Variants in FAM91A1 observed in about 807,000 individuals in gnomAD.
FAM91A1 encodes the protein family with sequence similarity 91 member A1.
A neutral mutation model predicts 113.5 loss-of-function variants in FAM91A1; 41 were observed. The observed-to-expected ratio is 0.36, with a 90% CI of 0.28 to 0.47. The LOEUF (loss-of-function observed/expected upper bound fraction) is 0.47. Ranked by LOEUF, FAM91A1 falls within the 20% of genes least tolerant of loss-of-function variation. The pLI is 1.00. For missense variants in FAM91A1, 696 were observed against 1,001.2 expected (o/e 0.70, Z 4.11); for synonymous variants, 307 against 347.9 (o/e 0.88, Z 1.31).
chr8:123,775,220 G>A lies in FAM91A1; in HGVS notation c.231G>A (p.Leu77=). 4 of 1,613,974 alleles carry A rather than the reference G, an allele frequency of 2.5e-6. No individual in the cohort carries two copies. Among genetic ancestry groups the A allele is most frequent in the Non-Finnish European group, 3.4e-6 (4 of 1,179,922 alleles). Reference sequence around the variant, plus strand: ...AGTACAGCCGAGATCATCTCATGCTGTACCCTTACCATCTATCGGATATTA... The same window carrying A: ...AGTACAGCCGAGATCATCTCATGCTATACCCTTACCATCTATCGGATATTA... ...LLKYSRDHLM[L]YPYHLSDIMV... Residue 77 remains leucine, a synonymous_variant, in exon 3 of 24, where the codon CTG becomes CTA. Coordinates refer to ENST00000334705, the MANE Select transcript of FAM91A1 (RefSeq NM_144963.4).
At chr8:123,800,172 C>T (rs906252811) in intron 18 of FAM91A1, among the ~76,000 whole-genome samples, 2 of 151,748 alleles carry the variant, frequency 1.3e-5, no homozygotes, top group Non-Finnish European at 2.9e-5. Context: ...AGTAGTTTCC[C>T]CATCTGTGGG....
Position 123,775,435 on chromosome 8 carries a change from TTG to T in FAM91A1, c.309+138_309+139del, listed in dbSNP as rs1208421368. On this transcript the variant is annotated intron_variant, in intron 3 of 23. Transcript: ENST00000334705. ...AGAACTTATAGTGTAAAAAGGACTA[TTG>T]GTGGCTTGTTAACTGTTTGAGCCAC... The T allele has an allele frequency of 6.6e-6, 7 of 1,058,480 alleles. No individual in the cohort carries two copies. In the African/African-American group the frequency reaches 1.1e-4, roughly 17 times the overall value. The allele number at this position is 1,058,480 out of a possible 1,614,324, so 65.6% of individuals were successfully genotyped here. A position where few individuals can be genotyped will look rare whatever the true frequency, so the allele number is the denominator to read the frequency against.
At chr8:123,801,090 TA>T in intron 18 of FAM91A1, among the ~76,000 whole-genome samples, 1 of 152,340 alleles carries the variant, frequency 6.6e-6, no homozygotes, top group South Asian at 2.1e-4. Context: ...TTTAAGCATT[TA>T]AGGAACTGCC....
Position 123,798,246 on chromosome 8 carries a change from C to T in FAM91A1, c.1560+8C>T, listed in dbSNP as rs771883336. On this transcript the variant is annotated splice_region_variant and intron_variant, in intron 16 of 23. Coordinates refer to ENST00000334705, the MANE Select transcript of FAM91A1 (RefSeq NM_144963.4). ...AGCAGCTGCACCCCTCAGGTAAAGA[C>T]CTACTTGGAAGATCCACTTGGTAGT... 1.9e-5 allele frequency: 30 copies of T among 1,613,016 alleles called. No individual in the cohort carries two copies. The East Asian group carries it at 6.7e-4, about 36-fold the overall frequency.
intron 15 of FAM91A1, among the ~76,000 whole-genome samples, chr8:123,794,460 A>G (rs1328205184): frequency 6.6e-6 from 1 of 152,244 alleles, no homozygotes; most frequent in Admixed American, 6.5e-5. Context: ...ATGTAAATAA[A>G]TGGAAAGATA....
At chr8:123,794,177 T>C (rs772136127) in intron 15 of FAM91A1, among the ~76,000 whole-genome samples, 8 of 152,210 alleles carry the variant, frequency 5.3e-5, no homozygotes, top group Non-Finnish European at 8.8e-5. Context: ...GGTCCACTTA[T>C]GGGATAATTT....
chr8:123,769,520 T>G (rs1453479030), intron 1 of FAM91A1, among the ~76,000 whole-genome samples: 1 of 152,226 alleles, frequency 6.6e-6, no homozygotes, highest in African/African-American at 2.4e-5. Flanking sequence ...GATGGGTTTA[T>G]CAGAGATGTT....
chr8:123,769,604 A>G (rs535603451), intron 1 of FAM91A1, among the ~76,000 whole-genome samples: 61 of 152,358 alleles, frequency 4.0e-4, no homozygotes, highest in Non-Finnish European at 7.8e-4. Flanking sequence ...ATTGTTTAAT[A>G]GATATTTATT....
chr8:123,788,284 A>G (rs1299276528), intron 14 of FAM91A1: 4 of 960,384 alleles, frequency 4.2e-6, no homozygotes, highest in Non-Finnish European at 3.7e-6. Flanking sequence ...CTCTAAATAA[A>G]TCTGATTGCC....
At chr8:123,798,515 G>A (rs1563645923) in intron 16 of FAM91A1, among the ~76,000 whole-genome samples, 1 of 152,130 alleles carries the variant, frequency 6.6e-6, no homozygotes. Context: ...AAGGAAGCTG[G>A]CATCATTTTG....
At chr8:123,812,414 C>G in intron 23 of FAM91A1, 105 bp from the exon 24 acceptor site, 12 of 970,816 alleles carry the variant, frequency 1.2e-5, no homozygotes, top group South Asian at 1.1e-4. Flanking sequence ...GCTTTGCAAT[C>G]CATAAACACT....
intron 15 of FAM91A1, among the ~76,000 whole-genome samples, chr8:123,795,431 G>GA (rs1189581121): frequency 1.4e-5 from 2 of 146,154 alleles, no homozygotes; most frequent in Non-Finnish European, 3.0e-5. Flanking sequence ...GTTCTCACGA[G>GA]ATCTGTAAAA....
chr8:123,802,054 A>G (rs1815697236), intron 18 of FAM91A1, among the ~76,000 whole-genome samples: 1 of 152,054 alleles, frequency 6.6e-6, no homozygotes, highest in Non-Finnish European at 1.5e-5. Flanking sequence ...CTGCCGTGGA[A>G]CTGAGAAGTT....
intron 13 of FAM91A1, 35 bp from the exon 14 acceptor site, chr8:123,787,629 A>T: frequency 6.6e-7 from 1 of 1,515,912 alleles, no homozygotes; most frequent in South Asian, 1.2e-5. Flanking sequence ...AAAAAGGGAG[A>T]AGTAGAACTT....
chr8:123,786,265 C>A, intron 11 of FAM91A1: 1 of 460,588 alleles, frequency 2.2e-6, no homozygotes, highest in East Asian at 3.3e-5. Context: ...AAATATTTTA[C>A]ATAAAATCTT....
intron 1 of FAM91A1, among the ~76,000 whole-genome samples, chr8:123,769,648 T>C (rs1032116804): frequency 6.6e-6 from 1 of 152,226 alleles, no homozygotes; most frequent in Non-Finnish European, 1.5e-5. Flanking sequence ...TTGCTCTAGG[T>C]GCAGGTAATT....
intron 18 of FAM91A1, among the ~76,000 whole-genome samples, chr8:123,804,552 G>T (rs1303652414): frequency 7.3e-6 from 1 of 137,144 alleles, no homozygotes; most frequent in Non-Finnish European, 1.5e-5. Flanking sequence ...TCACTCCCCT[G>T]CTAACCCTAT....
chr8:123,785,504 T>A (rs1815229782), intron 10 of FAM91A1, 125 bp from the exon 11 acceptor site: 2 of 684,950 alleles, frequency 2.9e-6, no homozygotes, highest in Admixed American at 6.4e-5. Context: ...CTGAAAATAG[T>A]TTCTGGTTAC....
At chr8:123,811,758 A>G (rs906403336) in intron 23 of FAM91A1, among the ~76,000 whole-genome samples, 1 of 152,128 alleles carries the variant, frequency 6.6e-6, no homozygotes, top group Non-Finnish European at 1.5e-5. Context: ...AGATAGGTGG[A>G]TGTTTGAGCA....
Sources: allele counts gnomAD v4.1 joint callset (sites outside exome capture counted in the v4.1 genomes callset), GRCh38; gene constraint gnomAD v4.1.1; transcripts MANE v1.5; gene names NCBI Gene and HGNC (gene_info 2026-07-23, HGNC 2026-07-21).